GTPBP6: variants seen among roughly 807,000 people sequenced by gnomAD.
GTPBP6 encodes putative GTP-binding protein 6.
Under a neutral mutation model 28.9 loss-of-function variants are expected in GTPBP6, and 33 were observed. That is an observed-to-expected ratio of 1.14 (90% confidence interval 0.87 to 1.53). GTPBP6 has a LOEUF of 1.53. Ranked by LOEUF, GTPBP6 falls within the 40% of genes most tolerant of loss-of-function variation. The pLI is 0.00. For missense variants in GTPBP6, 507 were observed against 408.3 expected, an observed-to-expected ratio of 1.24 and a Z score of -2.08; for synonymous variants, 231 against 192.7, an observed-to-expected ratio of 1.20 and a Z score of -1.65.
intron 3 of GTPBP6, 60 bp downstream of exon 3, chrX:315,169 G>T (rs1187910688): frequency 2.9e-6 from 1 of 345,330 alleles, no homozygotes; most frequent in Non-Finnish European, 5.1e-6. Context: ...ACGCCGTGGC[G>T]TCCCCTCCTT....
At chrX:306,406 T>C (rs1272127310) in intron 9 of GTPBP6, among the ~76,000 whole-genome samples, 4 of 144,988 alleles carry the variant, frequency 2.8e-5, no homozygotes, top group Non-Finnish European at 6.0e-5. Context: ...TGTTGTATGG[T>C]CAGAAATGTA....
exon 5 of GTPBP6, chrX:314,150 C>T (rs1270361674): frequency 6.2e-7 from 1 of 1,610,912 alleles, no homozygotes; most frequent in East Asian, 2.2e-5. Flanking sequence ...CCCGAGTTAC[C>T]TGACCCCATG....
chrX:313,217 G>A (rs931461246), intron 5 of GTPBP6, among the ~76,000 whole-genome samples: 20 of 152,226 alleles, frequency 1.3e-4, no homozygotes, highest in Admixed American at 3.3e-4. Flanking sequence ...AGCGGGACAC[G>A]GCCCAGGACG....
At chrX:314,242 G>A (rs774457593) in intron 4 of GTPBP6, 25 bp from the exon 5 acceptor site, 52 of 1,592,110 alleles carry the variant, frequency 3.3e-5, no homozygotes, top group East Asian at 4.5e-5. Flanking sequence ...GGAGTGGCTC[G>A]GTCTCTGCGG....
Position 305,106 on chromosome X carries a change from A to G in GTPBP6, c.1519T>C (p.Tyr507His), listed in dbSNP as rs191920625. The change falls in exon 10 of 10, where the codon TAC becomes CAC. Residue 507 changes from tyrosine (Y) to histidine (H), a missense_variant. Tyr to His is a moderately conservative substitution (Grantham distance 83, BLOSUM62 2). Coordinates refer to ENST00000326153, the Ensembl canonical transcript of GTPBP6. ...GGAAAGAGCTTCCGGAATTTGCCGT[A>G]GGCTGAGTTGCTGATGATGACCCTC... 106 of 1,613,414 alleles carry G rather than the reference A, an allele frequency of 6.6e-5. No homozygotes were observed. The African/African-American group carries it at 1.0e-3, about 15-fold the overall frequency.
intron 9 of GTPBP6, 28 bp downstream of exon 9, chrX:307,332 C>A (rs929912340): frequency 5.2e-5 from 84 of 1,607,838 alleles, no homozygotes; most frequent in Admixed American, 1.7e-4. Context: ...AAGCACCATC[C>A]CGTCTCCTGC....
At chrX:307,380 C>T (rs1188562733) in exon 9 of GTPBP6, 8 of 1,612,416 alleles carry the variant, frequency 5.0e-6, no homozygotes, top group Non-Finnish European at 6.8e-6. Context: ...CCCCTGCGAG[C>T]CTCACACGGA....
rs779185216 is a variant in GTPBP6 at position 311,413 on chromosome X, G to A, written c.1125+6C>T. 1.6e-5 allele frequency: 26 copies of A among 1,603,692 alleles called. No individual in the cohort carries two copies. The highest frequency in any genetic ancestry group is 6.7e-5 in the Admixed American group (4 of 59,474). ...AGCACCCGATCCCCGGCCGTCCCACGCTCACCGAGTGGGCCACGTCTTCCA... is the reference window on the plus strand; with the variant it reads ...AGCACCCGATCCCCGGCCGTCCCACACTCACCGAGTGGGCCACGTCTTCCA... On this transcript the variant is annotated splice_donor_region_variant and intron_variant, in intron 7 of 9. Coordinates refer to ENST00000326153, the Ensembl canonical transcript of GTPBP6.
chrX:308,796 G>A (rs1021296457), intron 7 of GTPBP6, among the ~76,000 whole-genome samples: 1 of 146,594 alleles, frequency 6.8e-6, no homozygotes, highest in Non-Finnish European at 1.5e-5. Context: ...GTGCAGTGGC[G>A]CGATCTCAGC....
chrX:315,086 G>A (rs1383904056), intron 3 of GTPBP6, 66 bp from the exon 4 acceptor site: 2 of 398,640 alleles, frequency 5.0e-6, no homozygotes, highest in Non-Finnish European at 8.8e-6. Context: ...CAATGTGAGA[G>A]GAAGGAGGAC....
chrX:318,608 G>GTCCGCCCGCAGGCCCCGCCC lies in GTPBP6; in HGVS notation c.160_179dup (p.Asp60GlufsTer62), dbSNP rs1159694431. 3 of 397,012 alleles carry GTCCGCCCGCAGGCCCCGCCC rather than the reference G, an allele frequency of 7.6e-6. No homozygotes were observed. The highest frequency in any genetic ancestry group is 1.3e-5 in the Non-Finnish European group (3 of 225,282). The allele number at this position is 397,012 out of a possible 1,614,324, so 24.6% of individuals were successfully genotyped here. ...CGTCTCCCGTGCGGCTTCGGCCGCCGTCCGCCCGCAGGCCCCGCCCTCCGC... is the reference window on the plus strand; with the variant it reads ...CGTCTCCCGTGCGGCTTCGGCCGCCGTCCGCCCGCAGGCCCCGCCCTCCGCCCGCAGGCCCCGCCCTCCGC... On this transcript the variant is annotated frameshift_variant, in exon 1 of 10. Coordinates refer to ENST00000326153, the Ensembl canonical transcript of GTPBP6. LOFTEE classifies it high-confidence loss of function.
exon 4 of GTPBP6, chrX:314,901 C>T (rs1279778291): frequency 1.2e-4 from 46 of 398,742 alleles, no homozygotes; most frequent in African/African-American, 8.0e-4. Context: ...TGTGCAGCGG[C>T]ATCTCCGCCA....
chrX:312,466 G>C, intron 6 of GTPBP6: 1 of 498,048 alleles, frequency 2.0e-6, no homozygotes, highest in Non-Finnish European at 3.8e-6. Flanking sequence ...TAGATGGAGG[G>C]GAGATTGTGG....
chrX:315,489 TCAAAGA>T (rs1374044662), intron 2 of GTPBP6, among the ~76,000 whole-genome samples, 190 bp from the exon 3 acceptor site: 4 of 143,122 alleles, frequency 2.8e-5, no homozygotes, highest in African/African-American at 5.2e-5. Flanking sequence ...AGTGTGTGTC[TCAAAGA>T]CATAGACATG....
At chrX:311,666 T>G in intron 6 of GTPBP6, 39 bp from the exon 7 acceptor site, 5 of 1,513,106 alleles carry the variant, frequency 3.3e-6, no homozygotes, top group Non-Finnish European at 4.6e-6. Flanking sequence ...CAGAGATCCC[T>G]GCGTCCCAAC....
exon 9 of GTPBP6, chrX:307,413 C>G (rs760271210): frequency 3.1e-6 from 5 of 1,612,618 alleles, no homozygotes; most frequent in Non-Finnish European, 4.2e-6. Context: ...GTCTCCCCGT[C>G]GCCTTCAAAA....
At position 308,215 on chromosome X, in the gene GTPBP6, C is replaced by A. The variant is rs143200931; in HGVS notation, c.1126-335G>T. 1.4e-3 allele frequency among the ~76,000 whole-genome samples: 217 copies of A among 152,256 alleles called. 6 individuals are homozygous for A. The East Asian group carries it at 0.041, about 28-fold the overall frequency. On this transcript the variant is annotated intron_variant, in intron 7 of 9. Transcript: ENST00000326153. ...TTCAAAGCTTTAGGGCGGCTTCATC[C>A]TCCTGTGAAATGTCTTTTAACAGCG...
In GTPBP6 at chrX:311,222, G is replaced by A. The variant is rs867657569; in HGVS notation, c.1125+197C>T. 5.6e-3 allele frequency among the ~76,000 whole-genome samples: 337 copies of A among 59,840 alleles called. 7 individuals are homozygous for A. The highest frequency in any genetic ancestry group is 8.6e-3 in the Non-Finnish European group (271 of 31,582). 39.3% of individuals were successfully genotyped at this position (59,840 alleles called of 152,430 possible). On this transcript the variant is annotated intron_variant, in intron 7 of 9. Coordinates refer to ENST00000326153, the Ensembl canonical transcript of GTPBP6. ...CTGAGGGCCCGGCCCCTGGCTTTGT[G>A]TGTGTCTGAGTGCCTGGTCCCCGTG...
In GTPBP6 at chrX:318,748, G is replaced by A. The variant is rs1465419741; in HGVS notation, c.40C>T (p.Leu14Phe). The A allele has an allele frequency of 9.2e-6, 3 of 327,536 alleles. No homozygotes were observed. The East Asian group carries it at 1.4e-4, about 15-fold the overall frequency. The allele number at this position is 327,536 out of a possible 1,614,324, so 20.3% of individuals were successfully genotyped here. Residue 14 changes from leucine (L) to phenylalanine (F), a missense_variant, in exon 1 of 10, where the codon CTC (leucine) becomes TTC (phenylalanine). Physicochemically the swap from Leu to Phe is conservative, Grantham distance 22 (BLOSUM62 0). Transcript: ENST00000326153. ...GAGCGGCCGCGGCCCACGCGGGAGA[G>A]CCGCAGCCCCGGGCGTACGGCGGCC... is the stretch of plus-strand genomic sequence containing the variant.
Sources: gnomAD v4.1 joint callset for allele counts (sites outside exome capture counted in the v4.1 genomes callset) on GRCh38, gnomAD v4.1.1 for gene constraint, MANE v1.5 for transcripts, NCBI Gene and HGNC (gene_info 2026-07-23, HGNC 2026-07-21) for gene names.